Variants in PTGER3 observed in about 807,000 individuals in gnomAD.
The protein encoded by PTGER3 is prostaglandin E receptor 3.
PTGER3 carries 22 observed loss-of-function variants against 34.7 expected under a neutral mutation model. The observed-to-expected ratio is 0.63, with a 90% CI of 0.45 to 0.91. PTGER3 has a LOEUF of 0.91. Among genes scored for constraint, PTGER3 ranks in the 40% least tolerant of loss-of-function variants. PTGER3 has a pLI of 0.00. For missense variants in PTGER3, 468 were observed against 519.4 expected, an observed-to-expected ratio of 0.90 and a Z score of 0.96; for synonymous variants, 241 against 230.1, an observed-to-expected ratio of 1.05 and a Z score of -0.43.
chr1:70,866,162 G>T (rs1646038049), intron 4 of PTGER3, among the ~76,000 whole-genome samples: 1 of 152,090 alleles, frequency 6.6e-6, no homozygotes, highest in South Asian at 2.1e-4. Flanking sequence ...ATATCACATT[G>T]CTCACCAGAG....
At chr1:70,922,499 G>A (rs1280357844) in intron 4 of PTGER3, among the ~76,000 whole-genome samples, 1 of 152,112 alleles carries the variant, frequency 6.6e-6, no homozygotes, top group African/African-American at 2.4e-5. Flanking sequence ...GTAAGGCCTG[G>A]GACATGTGGA....
chr1:70,971,784 T>A, intron 3 of PTGER3, 51 bp from the exon 4 acceptor site: 1 of 1,346,032 alleles, frequency 7.4e-7, no homozygotes, highest in African/African-American at 1.5e-5. Flanking sequence ...GGGATTATTT[T>A]TTTTAAATTT....
At chr1:71,025,774 T>G (rs10399797) in intron 1 of PTGER3, among the ~76,000 whole-genome samples, 54,912 of 152,106 alleles carry the variant, frequency 0.36, 11,130 homozygotes, top group South Asian at 0.47. Flanking sequence ...CAGAAATATT[T>G]GGTTGCAACT....
In PTGER3 at chr1:71,047,552, C is replaced by T. The variant is rs1386459943; in HGVS notation, c.26G>A (p.Gly9Glu). Reference protein sequence around the residue: MKETRGYGGDAPFCTRLNH... With the variant: MKETRGYGEDAPFCTRLNH... ...GAGGCGGGTGCAGAAGGGGGCATCC[C>T]CTCCGTAGCCCCGGGTCTCCTTCAT... Residue 9 changes from glycine to glutamate, a missense_variant, in exon 1 of 4, where the codon GGG (glycine) becomes GAG (glutamate). Around this residue, in one of 5 missense-constraint regions of PTGER3, gnomAD observed 151 missense variants for 133.5 expected, o/e 1.13. Coordinates refer to ENST00000306666, the MANE Select transcript of PTGER3 (RefSeq NM_198719.2). The T allele has an allele frequency of 3.2e-6, 5 of 1,562,952 alleles. No homozygotes were observed. The highest frequency in any genetic ancestry group is 4.3e-6 in the Non-Finnish European group (5 of 1,151,206).
chr1:70,886,529 A>T (rs1240276865), intron 4 of PTGER3, among the ~76,000 whole-genome samples: 1 of 152,180 alleles, frequency 6.6e-6, no homozygotes, highest in Non-Finnish European at 1.5e-5. Flanking sequence ...TTTCTCATTC[A>T]TTCAGGTTTC....
Position 71,047,110 on chromosome 1 carries a change from C to T in PTGER3, c.468G>A (p.Ala156=), listed in dbSNP as rs776804883. ...FIASAMAVER[A]LAIRAPHWYA... is the part of the protein sequence containing the mutation. ...ACCAGTGCGGCGCCCTGATGGCCAG[C>T]GCCCGCTCGACGGCCATGGCGCTGG... Residue 156 remains alanine (A), a synonymous_variant, in exon 1 of 4, where the codon GCG becomes GCA. Coordinates refer to ENST00000306666, the MANE Select transcript of PTGER3 (RefSeq NM_198719.2). 29 of 1,604,336 alleles carry T rather than the reference C, an allele frequency of 1.8e-5. No individual in the cohort carries two copies. The Middle Eastern group carries it at 4.9e-4, about 27-fold the overall frequency.
At chr1:70,873,993 T>C (rs1646220853) in intron 4 of PTGER3, among the ~76,000 whole-genome samples, 1 of 152,218 alleles carries the variant, frequency 6.6e-6, no homozygotes, top group Admixed American at 6.5e-5. Context: ...TGAAAACATC[T>C]AGCTTCCAGA....
chr1:70,920,476 C>A (rs1487202968), intron 4 of PTGER3, among the ~76,000 whole-genome samples: 1 of 152,144 alleles, frequency 6.6e-6, no homozygotes, highest in Non-Finnish European at 1.5e-5. Context: ...GTTCTGCTTA[C>A]TAAAAGAAAT....
chr1:70,985,491 T>A (rs1654830695), intron 2 of PTGER3, among the ~76,000 whole-genome samples: 1 of 152,114 alleles, frequency 6.6e-6, no homozygotes, highest in African/African-American at 2.4e-5. Context: ...AAATGCAGAA[T>A]GTTGGCGAAC....
intron 4 of PTGER3, among the ~76,000 whole-genome samples, chr1:70,922,605 C>A (rs1264935738): frequency 6.6e-6 from 1 of 152,012 alleles, no homozygotes; most frequent in East Asian, 1.9e-4. Flanking sequence ...ATTAAAAAAT[C>A]CCTTACTTAC....
chr1:71,046,710 C>T lies in PTGER3; in HGVS notation c.868G>A (p.Val290Met), dbSNP rs758846619. 2 of 1,584,012 alleles carry T rather than the reference C, an allele frequency of 1.3e-6. No homozygotes were observed. Among genetic ancestry groups the T allele is most frequent in the Non-Finnish European group, 1.7e-6 (2 of 1,162,988 alleles). The change falls in exon 1 of 4, where the codon GTG (valine) becomes ATG (methionine). Residue 290 changes from valine to methionine, a missense_variant. Physicochemically the swap from Val to Met is conservative, Grantham distance 21 (BLOSUM62 1). This residue lies in a region of PTGER3 where 204 missense variants were observed against 230.8 expected (regional missense o/e 0.88). Coordinates refer to ENST00000306666, the MANE Select transcript of PTGER3 (RefSeq NM_198719.2). ...AGCGGAGACCAGCAGACCGACAGCA[C>T]GCACATGATCCCCATAAGCTGAATG... ...TAIQLMGIMC[V>M]LSVCWSPLLI... is the part of the protein sequence containing the mutation.
intron 1 of PTGER3, among the ~76,000 whole-genome samples, chr1:71,040,081 GAAGAAAGA>G (rs201855373): frequency 6.8e-6 from 1 of 146,412 alleles, no homozygotes; most frequent in Admixed American, 7.0e-5. Context: ...GGGAGGGAGG[GAAGAAAGA>G]AAGAAAGAAG....
At chr1:70,953,156 CTATT>C (rs1650946707) in intron 3 of PTGER3, 3 of 1,046,720 alleles carry the variant, frequency 2.9e-6, no homozygotes, top group African/African-American at 3.2e-5. Context: ...AGTATAATCA[CTATT>C]TATACAACAT....
chr1:70,990,058 A>G (rs78545893), intron 2 of PTGER3, among the ~76,000 whole-genome samples: 8,664 of 152,084 alleles, frequency 0.057, 444 homozygotes, highest in African/African-American at 0.13. Context: ...ATGTGAAAAT[A>G]TATATACACA....
At position 71,011,666 on chromosome 1, in the gene PTGER3, C is replaced by A. The variant is rs893442877; in HGVS notation, c.1077+639G>T. On this transcript the variant is annotated intron_variant, in intron 2 of 3. Transcript: ENST00000306666. Reference sequence around the variant, plus strand: ...AACTTAAACTTTGTTAGGTTAGGAGCTAATTTGCTGTATTGAGCAATATTT... The same window carrying A: ...AACTTAAACTTTGTTAGGTTAGGAGATAATTTGCTGTATTGAGCAATATTT... The A allele has an allele frequency of 7.2e-6, 7 of 977,408 alleles. No homozygotes were observed. The African/African-American group carries it at 8.8e-5, about 12-fold the overall frequency. The allele number at this position is 977,408 out of a possible 1,614,324, so 60.5% of individuals were successfully genotyped here. A position where few individuals can be genotyped will look rare whatever the true frequency, so the allele number is the denominator to read the frequency against.
At chr1:71,011,870 T>G in intron 2 of PTGER3, 1 of 1,041,360 alleles carries the variant, frequency 9.6e-7, no homozygotes, top group Non-Finnish European at 1.2e-6. Flanking sequence ...TGTATGTGGT[T>G]AAATTCCTCA....
intron 4 of PTGER3, among the ~76,000 whole-genome samples, chr1:70,941,778 C>A (rs966601760): frequency 4.6e-5 from 7 of 152,252 alleles, no homozygotes; most frequent in Middle Eastern, 6.8e-3. Context: ...ACTAGCACTG[C>A]CTTAATTCAG....
intron 2 of PTGER3, among the ~76,000 whole-genome samples, chr1:70,961,371 C>T (rs1413432891): frequency 6.6e-6 from 1 of 152,188 alleles, no homozygotes; most frequent in East Asian, 1.9e-4. Context: ...ATGTGATGAG[C>T]TAAGAGTAGC....
intron 4 of PTGER3, among the ~76,000 whole-genome samples, chr1:70,862,666 T>C (rs1425819240): frequency 6.6e-6 from 1 of 152,030 alleles, no homozygotes; most frequent in African/African-American, 2.4e-5. Flanking sequence ...CATGAAGTGT[T>C]TGAGGAACAA....
Sources: allele counts gnomAD v4.1 joint callset (sites outside exome capture counted in the v4.1 genomes callset), GRCh38; gene constraint gnomAD v4.1.1; regional missense constraint gnomAD v4.1.1; transcripts MANE v1.5; gene names NCBI Gene and HGNC (gene_info 2026-07-23, HGNC 2026-07-21).